CEP135: variants seen among roughly 807,000 people sequenced by gnomAD.
CEP135 encodes centrosomal protein 135.
Under a neutral mutation model 157.3 loss-of-function variants are expected in CEP135, and 142 were observed. That is an observed-to-expected ratio of 0.90 (90% CI 0.79 to 1.04). CEP135 has a LOEUF of 1.04. Ranked by LOEUF, CEP135 falls within the 50% of genes least tolerant of loss-of-function variation. The pLI is 0.00. For missense variants in CEP135, 1,317 were observed against 1,309.2 expected, an observed-to-expected ratio of 1.01 and a Z score of -0.09; for synonymous variants, 396 against 439.8, an observed-to-expected ratio of 0.90 and a Z score of 1.25.
chr4:55,959,060 G>A (rs753641715), intron 5 of CEP135, among the ~76,000 whole-genome samples: 11 of 152,042 alleles, frequency 7.2e-5, no homozygotes, highest in Non-Finnish European at 1.3e-4. Flanking sequence ...ATTCTAGCCC[G>A]GGTAACATAG....
intron 13 of CEP135, among the ~76,000 whole-genome samples, chr4:55,983,324 C>T (rs73817305): frequency 0.021 from 3,205 of 152,244 alleles, 115 homozygotes; most frequent in African/African-American, 0.073. Flanking sequence ...TATCAGAATC[C>T]TTCTGGGTTG....
chr4:56,012,403 G>C (rs1730619440), intron 21 of CEP135, among the ~76,000 whole-genome samples: 1 of 152,186 alleles, frequency 6.6e-6, no homozygotes, highest in African/African-American at 2.4e-5. Flanking sequence ...ATAAAATCAA[G>C]TTCAGTGGTA....
intron 14 of CEP135, among the ~76,000 whole-genome samples, chr4:55,989,364 ATAAAG>A (rs1249112867): frequency 6.6e-6 from 1 of 152,232 alleles, no homozygotes; most frequent in Non-Finnish European, 1.5e-5. Context: ...TAACAGTCAT[ATAAAG>A]TAAATGCTAA....
chr4:56,017,588 C>G (rs559058902), intron 21 of CEP135, 60 bp from the exon 22 acceptor site: 282 of 1,403,256 alleles, frequency 2.0e-4, no homozygotes, highest in Non-Finnish European at 2.6e-4. Context: ...TGTACAAATT[C>G]AAGTTCTTAA....
chr4:55,966,123 G>A (rs184666707), intron 8 of CEP135: 9 of 352,146 alleles, frequency 2.6e-5, no homozygotes, highest in Non-Finnish European at 2.6e-5. Context: ...TTTCCTTCAC[G>A]ATTTTTATCT....
chr4:55,980,258 C>T lies in CEP135; in HGVS notation c.1589C>T (p.Thr530Ile). The part of the protein sequence containing the change: ...EDIQSNVKLL[T>I]AERDKLSVLY... ...ATACAGTCCAATGTTAAATTATTGA[C>T]AGCAGAAAGAGATAAACTAAGTGTC... Residue 530 changes from threonine (T) to isoleucine (I), a missense_variant, in exon 12 of 26, where the codon ACA becomes ATA. Physicochemically the swap from Thr to Ile is moderately conservative, Grantham distance 89 (BLOSUM62 -1). Coordinates refer to ENST00000257287, the MANE Select transcript of CEP135 (RefSeq NM_025009.5). 1.3e-6 allele frequency: 2 copies of T among 1,553,040 alleles called. No homozygotes were observed. Among genetic ancestry groups the T allele is most frequent in the Non-Finnish European group, 8.9e-7 (1 of 1,127,688 alleles).
In CEP135 at chr4:55,965,677, G is replaced by T; in HGVS notation, c.862G>T (p.Glu288Ter). ...DFLQQANKDL[E>*]KRIRELMETK... ...TCTTCAGCAAGCTAATAAAGACCTGGAGAAGCGTATACGAGAGCTTATGGA... is the reference window on the plus strand; with the variant it reads ...TCTTCAGCAAGCTAATAAAGACCTGTAGAAGCGTATACGAGAGCTTATGGA... Residue 288 changes from glutamate to a stop codon, truncating the protein, a stop_gained, in exon 8 of 26, where the codon GAG becomes TAG. Transcript: ENST00000257287. LOFTEE classifies it high-confidence loss of function. 6.2e-7 allele frequency: 1 copy of T among 1,612,442 alleles called. No homozygotes were observed. Among genetic ancestry groups the T allele is most frequent in the South Asian group, 1.1e-5 (1 of 90,538 alleles).
At chr4:56,015,966 A>C (rs1230161690) in intron 21 of CEP135, among the ~76,000 whole-genome samples, 1 of 152,198 alleles carries the variant, frequency 6.6e-6, no homozygotes, top group Non-Finnish European at 1.5e-5. Context: ...TGTCAACATG[A>C]CCTTATTTGG....
In CEP135 at chr4:55,974,736, T is replaced by C. The variant is rs778486860; in HGVS notation, c.1250-10T>C. The C allele has an allele frequency of 1.2e-5, 20 of 1,601,396 alleles. No homozygotes were observed. The highest frequency in any genetic ancestry group is 1.6e-5 in the Non-Finnish European group (19 of 1,172,908). On this transcript the variant is annotated splice_polypyrimidine_tract_variant and intron_variant, in intron 10 of 25. Coordinates refer to ENST00000257287, the MANE Select transcript of CEP135 (RefSeq NM_025009.5). ...ACATTATTTTAAGAGTTAACCACTT[T>C]AATTTACAGAACGACAACTTACTCT...
At chr4:55,980,447 G>T in intron 12 of CEP135, 152 bp downstream of exon 12, 1 of 500,986 alleles carries the variant, frequency 2.0e-6, no homozygotes, top group Non-Finnish European at 3.4e-6. Flanking sequence ...CTATCATTCT[G>T]TTTCTAAAAC....
At chr4:55,973,370 C>T (rs1470610653) in intron 10 of CEP135, among the ~76,000 whole-genome samples, 5 of 152,184 alleles carry the variant, frequency 3.3e-5, no homozygotes, top group Admixed American at 1.3e-4. Context: ...TCAATAAACC[C>T]GTGAGTCCCA....
intron 10 of CEP135, among the ~76,000 whole-genome samples, chr4:55,973,053 T>C (rs1401599115): frequency 6.6e-6 from 1 of 152,200 alleles, no homozygotes; most frequent in Non-Finnish European, 1.5e-5. Context: ...TTATTTTTCT[T>C]TTTGATAGCT....
intron 15 of CEP135, among the ~76,000 whole-genome samples, chr4:55,998,353 A>C (rs1318654360): frequency 6.6e-6 from 1 of 152,128 alleles, no homozygotes; most frequent in Non-Finnish European, 1.5e-5. Context: ...TTTACTGTTA[A>C]ACCTTCCAGG....
rs547293325 is a variant in CEP135 at position 55,965,966 on chromosome 4, G to A, written c.1044+107G>A. 1.1e-5 allele frequency: 11 copies of A among 973,352 alleles called. No individual in the cohort carries two copies. The East Asian group carries it at 2.1e-4, about 19-fold the overall frequency. 60.3% of individuals were successfully genotyped at this position (973,352 alleles called of 1,614,324 possible). A position where few individuals can be genotyped will look rare whatever the true frequency, so the allele number is the denominator to read the frequency against. ...CATTCAGGTTTTTGGTTTATTTTGT[G>A]TGTCTGTTTTTGTTTTTTTGCTTTG... On this transcript the variant is annotated intron_variant, in intron 8 of 25. Coordinates refer to ENST00000257287, the MANE Select transcript of CEP135 (RefSeq NM_025009.5).
At chr4:55,958,522 A>T (rs1728574417) in intron 5 of CEP135, among the ~76,000 whole-genome samples, 2 of 152,170 alleles carry the variant, frequency 1.3e-5, no homozygotes, top group African/African-American at 4.8e-5. Context: ...TGTTCTTATT[A>T]TCTAGGGCTT....
At position 55,974,962 on chromosome 4, in the gene CEP135, C is replaced by T; in HGVS notation, c.1466C>T (p.Pro489Leu). The T allele has an allele frequency of 6.3e-7, 1 of 1,595,044 alleles. No individual in the cohort carries two copies. The highest frequency in any genetic ancestry group is 8.6e-7 in the Non-Finnish European group (1 of 1,169,048). The change falls in exon 11 of 26, where the codon CCA becomes CTA. Residue 489 changes from proline to leucine, a missense_variant. By Grantham distance (98) the Pro-to-Leu change is moderately conservative. Coordinates refer to ENST00000257287, the MANE Select transcript of CEP135 (RefSeq NM_025009.5). ...GAAAAAAGTTCAATATTTAGAACAC[C>T]AGAAAAGGTAATGTCCCTTTATAAG... ...AREKSSIFRT[P>L]EKGDYNSEIH...
At chr4:56,019,153 A>C (rs903164850) in intron 22 of CEP135, among the ~76,000 whole-genome samples, 200 bp from the exon 23 acceptor site, 28 of 152,224 alleles carry the variant, frequency 1.8e-4, no homozygotes, top group Admixed American at 1.8e-3. Flanking sequence ...AAATAAGCCC[A>C]TAGTAAAAAT....
chr4:55,969,774 C>A (rs572991251), intron 9 of CEP135, among the ~76,000 whole-genome samples: 7 of 152,252 alleles, frequency 4.6e-5, no homozygotes, highest in African/African-American at 1.7e-4. Context: ...TGTTAGTTGA[C>A]TAATATTAAA....
chr4:55,978,941 A>G (rs1034400461), intron 11 of CEP135, among the ~76,000 whole-genome samples: 1 of 152,236 alleles, frequency 6.6e-6, no homozygotes, highest in African/African-American at 2.4e-5. Flanking sequence ...CTTTTGTACT[A>G]TAAAATATCT....
Sources: gnomAD v4.1 joint callset for allele counts (sites outside exome capture counted in the v4.1 genomes callset) on GRCh38, gnomAD v4.1.1 for gene constraint, MANE v1.5 for transcripts, NCBI Gene and HGNC (gene_info 2026-07-23, HGNC 2026-07-21) for gene names.